The following THOC1 variants were observed in gnomAD, a reference collection of about 807,000 sequenced individuals.
THOC1 encodes THO complex subunit 1.
A neutral mutation model predicts 97.3 loss-of-function variants in THOC1; 29 were observed. That is an observed-to-expected ratio of 0.30 (90% confidence interval 0.22 to 0.41). The LOEUF is 0.41. Ranked by LOEUF, THOC1 falls within the 10% of genes least tolerant of loss-of-function variation. THOC1 has a pLI of 1.00. For missense variants in THOC1, 529 were observed against 761.9 expected (o/e 0.69, Z 3.60); for synonymous variants, 255 against 257.0 (o/e 0.99, Z 0.07).
chr18:244,410 C>G (rs1567851590), intron 11 of THOC1: 1 of 151,992 alleles, frequency 6.6e-6, no homozygotes, highest in African/African-American at 2.4e-5. Flanking sequence ...GGTAAGTTAT[C>G]CTGGTCTTTA....
intron 11 of THOC1, among the ~76,000 whole-genome samples, chr18:229,605 C>T (rs1044643943): frequency 6.6e-6 from 1 of 152,134 alleles, no homozygotes; most frequent in African/African-American, 2.4e-5. Context: ...ATAGCTTAAA[C>T]CTGGGAGGCG....
At chr18:261,015 T>C (rs562200380) in intron 4 of THOC1, 2 of 152,334 alleles carry the variant, frequency 1.3e-5, no homozygotes, top group South Asian at 4.1e-4. Context: ...TGTTTTGTAA[T>C]GTTGCTAAAT....
At chr18:248,266 A>G (rs116668286) in intron 9 of THOC1, among the ~76,000 whole-genome samples, 3,696 of 152,288 alleles carry the variant, frequency 0.024, 147 homozygotes, top group African/African-American at 0.083. Flanking sequence ...ATTCTGGCCA[A>G]TCAGTTGAGA....
rs78399847 is a variant in THOC1, at chr18:259,434, A to C, written c.425-159T>G. Among the ~76,000 whole-genome samples the C allele has an allele frequency of 0.016, 2,478 of 152,262 alleles. 29 individuals carry two copies. The highest frequency in any genetic ancestry group is 0.027 in the Non-Finnish European group (1,866 of 67,944). On this transcript the variant is annotated intron_variant, in intron 6 of 20. Transcript: ENST00000261600. ...CCACTGCCACAAAAAAGTACTATAA[A>C]TTAGGAACAAAACAAGTTCAACATG...
chr18:224,071 CAA>C lies in THOC1; in HGVS notation c.1304+11_1304+12del. The C allele has an allele frequency of 6.4e-7, 1 of 1,556,152 alleles. No homozygotes were observed. Among genetic ancestry groups the C allele is most frequent in the Non-Finnish European group, 8.8e-7 (1 of 1,134,120 alleles). Reference sequence around the variant, plus strand: ...TAACTAAGAACATCCCACATGAAGACAAATTCACCTACTTTCCCATCAGAATT... The same window carrying C: ...TAACTAAGAACATCCCACATGAAGACATTCACCTACTTTCCCATCAGAATT... On this transcript the variant is annotated intron_variant, in intron 16 of 20. Transcript: ENST00000261600.
At chr18:221,606 C>CTTTTTTT (rs369952039) in intron 17 of THOC1, among the ~76,000 whole-genome samples, 5 of 110,922 alleles carry the variant, frequency 4.5e-5, no homozygotes, top group Non-Finnish European at 7.1e-5. Flanking sequence ...ATAGATGGAT[C>CTTTTTTT]TTTTTTTTTT....
At chr18:260,411 A>G (rs1912567847) in intron 4 of THOC1, 107 bp from the exon 5 acceptor site, 2 of 740,636 alleles carry the variant, frequency 2.7e-6, no homozygotes, top group African/African-American at 3.7e-5. Context: ...TTTGTTACTC[A>G]TAACAAGGTT....
At chr18:264,144 C>G in intron 3 of THOC1, 52 bp from the exon 4 acceptor site, 9 of 1,252,304 alleles carry the variant, frequency 7.2e-6, no homozygotes, top group Non-Finnish European at 1.0e-5. Flanking sequence ...TCAGACTAAA[C>G]TCGATTAACA....
At chr18:239,430 G>A (rs1911820033) in intron 11 of THOC1, among the ~76,000 whole-genome samples, 4 of 151,970 alleles carry the variant, frequency 2.6e-5, no homozygotes, top group Admixed American at 6.6e-5. Context: ...TCAGCCTCCC[G>A]AGTAGCTGGG....
At chr18:238,035 T>C in intron 11 of THOC1, among the ~76,000 whole-genome samples, 1 of 151,848 alleles carries the variant, frequency 6.6e-6, no homozygotes, top group Non-Finnish European at 1.5e-5. Flanking sequence ...CCTGGATAAT[T>C]TTTGTATTTT....
chr18:223,891 G>A (rs1315649094), intron 16 of THOC1, among the ~76,000 whole-genome samples, 193 bp downstream of exon 16: 1 of 152,162 alleles, frequency 6.6e-6, no homozygotes, highest in African/African-American at 2.4e-5. Context: ...TTTGGAAGCT[G>A]GAGACAAAAT....
intron 4 of THOC1, 84 bp downstream of exon 4, chr18:263,942 G>A (rs890194344): frequency 1.3e-5 from 14 of 1,039,466 alleles, no homozygotes; most frequent in Non-Finnish European, 2.0e-5. Context: ...CAGATAGGTG[G>A]AGAAGTATGG....
intron 7 of THOC1, among the ~76,000 whole-genome samples, chr18:256,827 C>T (rs964844596): frequency 2.6e-5 from 4 of 152,164 alleles, no homozygotes; most frequent in South Asian, 2.1e-4. Context: ...AGAAATCTTT[C>T]GTGAAAGGAA....
Position 223,499 on chromosome 18 carries a change from C to G in THOC1, c.1311G>C (p.Glu437Asp). 1 of 1,558,538 alleles carries G rather than the reference C, an allele frequency of 6.4e-7. No homozygotes were observed. Among genetic ancestry groups the G allele is most frequent in the Non-Finnish European group, 8.7e-7 (1 of 1,150,110 alleles). The change falls in exon 17 of 21, where the codon GAG becomes GAC. Residue 437 changes from glutamate to aspartate, a missense_variant. Around this residue, in one of 8 missense-constraint regions of THOC1, gnomAD observed 123 missense variants for 159.0 expected, o/e 0.77. Transcript: ENST00000261600. ...PTKKILMGNEELTRLWNLCPD... is the reference protein window; with the variant it reads ...PTKKILMGNEDLTRLWNLCPD... ...GGCAAAGATTCCAAAGCCTTGTTAA[C>G]TCCTCACTACAAAATAGACACAGAA...
intron 11 of THOC1, among the ~76,000 whole-genome samples, chr18:243,077 T>TG (rs572531432): frequency 3.9e-5 from 6 of 152,174 alleles, no homozygotes; most frequent in Admixed American, 6.5e-5. Flanking sequence ...CAAAGGGAAA[T>TG]GAAGATGCAA....
At chr18:259,820 CT>C (rs1912547284) in intron 5 of THOC1, 90 bp from the exon 6 acceptor site, 2 of 867,012 alleles carry the variant, frequency 2.3e-6, no homozygotes. Flanking sequence ...TTAAAGAACA[CT>C]AACATGCACT....
At chr18:224,550 G>A (rs1026316693) in intron 15 of THOC1, among the ~76,000 whole-genome samples, 4 of 147,292 alleles carry the variant, frequency 2.7e-5, no homozygotes, top group African/African-American at 1.0e-4. Context: ...CTGCACTCCA[G>A]CCTGGGTGAC....
At chr18:258,814 A>G (rs1907565377) in intron 7 of THOC1, among the ~76,000 whole-genome samples, 1 of 152,100 alleles carries the variant, frequency 6.6e-6, no homozygotes, top group African/African-American at 2.4e-5. Flanking sequence ...AAAATTTGTT[A>G]AAAAAAGAGA....
chr18:223,502 C>A lies in THOC1; in HGVS notation c.1308G>T (p.Glu436Asp). The A allele has an allele frequency of 6.4e-7, 1 of 1,557,850 alleles. No homozygotes were observed. Among genetic ancestry groups the A allele is most frequent in the Non-Finnish European group, 8.7e-7 (1 of 1,149,758 alleles). Residue 436 changes from glutamate to aspartate, a missense_variant, in exon 17 of 21, where the codon GAG (glutamate) becomes GAT (aspartate). By Grantham distance (45) the Glu-to-Asp change is conservative. Transcript: ENST00000261600. ...AAAGATTCCAAAGCCTTGTTAACTCCTCACTACAAAATAGACACAGAAATA... is the reference window on the plus strand; with the variant it reads ...AAAGATTCCAAAGCCTTGTTAACTCATCACTACAAAATAGACACAGAAATA... ...GPTKKILMGN[E>D]ELTRLWNLCP... is the part of the protein sequence containing the mutation.
Sources: allele counts gnomAD v4.1 joint callset (sites outside exome capture counted in the v4.1 genomes callset), GRCh38; gene constraint gnomAD v4.1.1; regional missense constraint gnomAD v4.1.1; transcripts MANE v1.5; gene names NCBI Gene and HGNC (gene_info 2026-07-23, HGNC 2026-07-21).